Variants in EIF3H observed in about 807,000 individuals in gnomAD.
EIF3H encodes the protein eIF-3-gamma.
A neutral mutation model predicts 44.2 loss-of-function variants in EIF3H; 26 were observed. The observed-to-expected ratio is 0.59, with a 90% CI of 0.43 to 0.82. EIF3H has a LOEUF of 0.82. Ranked by LOEUF, EIF3H falls within the 40% of genes least tolerant of loss-of-function variation. The pLI is 0.00. For synonymous variants in EIF3H, 166 were observed against 151.9 expected (o/e 1.09, Z -0.68); for missense variants, 359 against 432.8 (o/e 0.83, Z 1.51).
intron 1 of EIF3H, among the ~76,000 whole-genome samples, chr8:116,730,606 T>C (rs1252314572): frequency 6.6e-6 from 1 of 152,184 alleles, no homozygotes; most frequent in Non-Finnish European, 1.5e-5. Context: ...TAACCAAGAA[T>C]TTGCCATGTA....
chr8:116,687,394 TCTTA>T (rs1203862226), intron 2 of EIF3H, among the ~76,000 whole-genome samples: 2 of 152,194 alleles, frequency 1.3e-5, no homozygotes, highest in African/African-American at 4.8e-5. Flanking sequence ...AAAATCTCCA[TCTTA>T]CTTGCTGAAA....
intron 2 of EIF3H, among the ~76,000 whole-genome samples, chr8:116,722,112 C>A (rs1814756627): frequency 6.6e-6 from 1 of 152,130 alleles, no homozygotes; most frequent in African/African-American, 2.4e-5. Context: ...ATAATTCCCA[C>A]ATGTTGTGGG....
chr8:116,692,687 C>T (rs1296205813), intron 2 of EIF3H, among the ~76,000 whole-genome samples: 1 of 152,134 alleles, frequency 6.6e-6, no homozygotes, highest in African/African-American at 2.4e-5. Context: ...ATTATATTTT[C>T]ACTTTATATT....
Position 116,643,508 on chromosome 8 carries a change from A to C in EIF3H, c.*1498T>G, listed in dbSNP as rs1158531700. On this transcript the variant is annotated 3_prime_UTR_variant, in exon 8 of 8. Coordinates refer to ENST00000521861, the MANE Select transcript of EIF3H (RefSeq NM_003756.3). ...AGAATGCCTCCCTCATCATAAATACAGGCTGAGTGGCTGCCACATACCAAC... is the reference window on the plus strand; with the variant it reads ...AGAATGCCTCCCTCATCATAAATACCGGCTGAGTGGCTGCCACATACCAAC... 1 of 152,240 alleles carries C rather than the reference A, an allele frequency of 6.6e-6. No homozygotes were observed. Among genetic ancestry groups the C allele is most frequent in the African/African-American group, 2.4e-5 (1 of 41,474 alleles). The allele number at this position is 152,240 out of a possible 1,614,324, so 9.4% of individuals were successfully genotyped here.
At chr8:116,659,688 T>A (rs1414205398) in intron 2 of EIF3H, among the ~76,000 whole-genome samples, 1 of 152,196 alleles carries the variant, frequency 6.6e-6, no homozygotes, top group Non-Finnish European at 1.5e-5. Flanking sequence ...TTTACTTTTG[T>A]CAAATTAATG....
chr8:116,661,068 C>T (rs1356034658), intron 2 of EIF3H, among the ~76,000 whole-genome samples: 1 of 152,122 alleles, frequency 6.6e-6, no homozygotes, highest in East Asian at 1.9e-4. Context: ...TCACATCAAC[C>T]ACATAAATTT....
Position 116,752,856 on chromosome 8 carries a change from AAGAG to A in EIF3H, c.132+2806_132+2809del, listed in dbSNP as rs921631973. 8.0e-5 allele frequency among the ~76,000 whole-genome samples: 12 copies of A among 150,564 alleles called. 1 individual carries two copies. Among genetic ancestry groups the A allele is most frequent in the Admixed American group, 7.3e-4 (11 of 15,140 alleles). On this transcript the variant is annotated intron_variant, in intron 1 of 7. Transcript: ENST00000521861. ...AAGAGAGAGAGAAAAGAAAAGAAAA[AAGAG>A]AGAGAGAAGAGAAGAGTTTAAGGAA...
chr8:116,685,857 A>G (rs1814066939), intron 2 of EIF3H, among the ~76,000 whole-genome samples: 1 of 152,212 alleles, frequency 6.6e-6, no homozygotes, highest in Non-Finnish European at 1.5e-5. Context: ...AAAGGTTCCC[A>G]AACAAGGAAA....
intron 2 of EIF3H, among the ~76,000 whole-genome samples, chr8:116,694,030 A>G (rs1814224233): frequency 6.6e-6 from 1 of 152,142 alleles, no homozygotes; most frequent in African/African-American, 2.4e-5. Context: ...CAATCTTCTG[A>G]TATTAAACAT....
intron 1 of EIF3H, among the ~76,000 whole-genome samples, chr8:116,753,599 AAAT>A (rs1815394222): frequency 6.6e-6 from 1 of 152,228 alleles, no homozygotes; most frequent in Non-Finnish European, 1.5e-5. Flanking sequence ...AGCTGATAAA[AAAT>A]AATAATTTCT....
At chr8:116,688,916 T>A (rs967617546) in intron 2 of EIF3H, among the ~76,000 whole-genome samples, 3 of 152,178 alleles carry the variant, frequency 2.0e-5, no homozygotes, top group African/African-American at 7.2e-5. Flanking sequence ...AGGGATTGTA[T>A]GTAGAGTTAC....
chr8:116,746,072 G>A (rs1815229800), intron 1 of EIF3H, among the ~76,000 whole-genome samples: 1 of 152,092 alleles, frequency 6.6e-6, no homozygotes, highest in Non-Finnish European at 1.5e-5. Context: ...ATCTTAATAT[G>A]TGAACTCAGC....
At chr8:116,689,800 A>G (rs1428909899) in intron 2 of EIF3H, among the ~76,000 whole-genome samples, 2 of 152,198 alleles carry the variant, frequency 1.3e-5, no homozygotes. Context: ...TAAAAACTCA[A>G]ATGTAGTCAG....
In EIF3H at chr8:116,681,615, G is replaced by C. The variant is rs1295755849; in HGVS notation, c.290-22635C>G. 2.8e-5 allele frequency among the ~76,000 whole-genome samples: 4 copies of C among 144,790 alleles called. No individual in the cohort carries two copies. In the Admixed American group the frequency reaches 2.8e-4, roughly 10 times the overall value. 95.0% of individuals were successfully genotyped at this position (144,790 alleles called of 152,430 possible). A position where few individuals can be genotyped will look rare whatever the true frequency, so the allele number is the denominator to read the frequency against. On this transcript the variant is annotated intron_variant, in intron 2 of 7. Transcript: ENST00000521861. The stretch of plus-strand genomic sequence containing the variant: ...CGGGAGGTGGAGGTTGTAGTGAGCC[G>C]AGATCGAGCCATTGCACTCCAGCCT...
intron 1 of EIF3H, among the ~76,000 whole-genome samples, chr8:116,746,004 C>A (rs1394805276): frequency 6.6e-6 from 1 of 151,784 alleles, no homozygotes; most frequent in Non-Finnish European, 1.5e-5. Flanking sequence ...GGGACACGTA[C>A]CAGTACTCTT....
Position 116,671,885 on chromosome 8 carries a change from T to C in EIF3H, c.290-12905A>G, listed in dbSNP as rs377734141. 2.9e-4 allele frequency among the ~76,000 whole-genome samples: 44 copies of C among 152,344 alleles called. 2 individuals carry two copies. The South Asian group carries it at 8.3e-3, about 29-fold the overall frequency. Reference sequence around the variant, plus strand: ...AAAATAATACAGTGTAGAAGAATAGTTGCAGGCTGAGAAAACAGAAGATCT... The same window carrying C: ...AAAATAATACAGTGTAGAAGAATAGCTGCAGGCTGAGAAAACAGAAGATCT... On this transcript the variant is annotated intron_variant, in intron 2 of 7. Coordinates refer to ENST00000521861, the MANE Select transcript of EIF3H (RefSeq NM_003756.3).
At chr8:116,656,065 A>AC in intron 4 of EIF3H, 60 bp from the exon 5 acceptor site, 1 of 1,526,636 alleles carries the variant, frequency 6.6e-7, no homozygotes, top group Non-Finnish European at 8.9e-7. Flanking sequence ...TAAACTGACT[A>AC]CTTCATAAAA....
chr8:116,743,787 T>C (rs1338999614), intron 1 of EIF3H, among the ~76,000 whole-genome samples: 10 of 91,162 alleles, frequency 1.1e-4, no homozygotes, highest in East Asian at 6.8e-4. Context: ...TATATATATA[T>C]ATATATATAT....
chr8:116,712,660 C>A (rs889532896), intron 2 of EIF3H, among the ~76,000 whole-genome samples: 1 of 151,960 alleles, frequency 6.6e-6, no homozygotes, highest in African/African-American at 2.4e-5. Flanking sequence ...AGGTAAGCCA[C>A]GAAGAATAAT....
Sources: allele counts gnomAD v4.1 joint callset (sites outside exome capture counted in the v4.1 genomes callset), GRCh38; gene constraint gnomAD v4.1.1; transcripts MANE v1.5; gene names NCBI Gene and HGNC (gene_info 2026-07-23, HGNC 2026-07-21).